ZNRF3: variants seen among roughly 807,000 people sequenced by gnomAD.
The protein encoded by ZNRF3 is zinc and ring finger 3.
In ZNRF3, 23 loss-of-function variants were observed where a neutral mutation model predicts 72.5. That is an observed-to-expected ratio of 0.32 (90% CI 0.23 to 0.45). ZNRF3 has a LOEUF of 0.45. Among genes scored for constraint, ZNRF3 ranks in the 20% least tolerant of loss-of-function variants. ZNRF3 has a pLI of 1.00. For synonymous variants in ZNRF3, 610 were observed against 545.3 expected (o/e 1.12, Z -1.65); for missense variants, 1,169 against 1,272.1 (o/e 0.92, Z 1.23).
At position 29,054,295 on chromosome 22, in the gene ZNRF3, G is replaced by C. The variant is rs183941891; in HGVS notation, c.*673G>C. On this transcript the variant is annotated 3_prime_UTR_variant, in exon 9 of 9. Transcript: ENST00000544604. The stretch of plus-strand genomic sequence containing the variant: ...CAGGTGATGGCAGCAGCTAGGAATA[G>C]GGTGTACATGATCCACAGCCCTGCG... The C allele has an allele frequency of 1.3e-5, 2 of 152,456 alleles. No individual in the cohort carries two copies. The highest frequency in any genetic ancestry group is 3.9e-4 in the East Asian group (2 of 5,188). 9.4% of individuals were successfully genotyped at this position (152,456 alleles called of 1,614,324 possible).
rs533560934 is a variant in ZNRF3, at chr22:29,042,419, G to A, written c.427-76G>A. On this transcript the variant is annotated intron_variant, in intron 2 of 8. Coordinates refer to ENST00000544604, the MANE Select transcript of ZNRF3 (RefSeq NM_001206998.2). ...CTGTCAGATTCTGCATTTGATTACA[G>A]GCCTGATTGCCAAGGCCAACTTTGA... 4 of 1,238,364 alleles carry A rather than the reference G, an allele frequency of 3.2e-6. No individual in the cohort carries two copies. The South Asian group carries it at 5.1e-5, about 16-fold the overall frequency. 76.7% of individuals were successfully genotyped at this position (1,238,364 alleles called of 1,614,324 possible). A position where few individuals can be genotyped will look rare whatever the true frequency, so the allele number is the denominator to read the frequency against.
intron 2 of ZNRF3, among the ~76,000 whole-genome samples, chr22:29,037,398 G>C (rs992192171): frequency 2.6e-5 from 4 of 152,200 alleles, no homozygotes; most frequent in Non-Finnish European, 5.9e-5. Flanking sequence ...GAACATTCTA[G>C]ACTCAATCTT....
intron 1 of ZNRF3, among the ~76,000 whole-genome samples, chr22:28,978,989 C>A (rs2035722213): frequency 6.6e-6 from 1 of 152,166 alleles, no homozygotes; most frequent in Non-Finnish European, 1.5e-5. Flanking sequence ...TTGCTCCCCT[C>A]ACCCTGGCCC....
At chr22:28,980,357 A>C (rs921923965) in intron 1 of ZNRF3, among the ~76,000 whole-genome samples, 6 of 152,230 alleles carry the variant, frequency 3.9e-5, no homozygotes, top group Non-Finnish European at 7.3e-5. Flanking sequence ...TCACACTTCA[A>C]TATATACAAA....
intron 1 of ZNRF3, among the ~76,000 whole-genome samples, chr22:28,895,415 C>A (rs2033973022): frequency 1.3e-5 from 2 of 152,208 alleles, no homozygotes; most frequent in South Asian, 4.1e-4. Flanking sequence ...CACGGTGGCT[C>A]ACGCCTGTAA....
intron 2 of ZNRF3, among the ~76,000 whole-genome samples, chr22:29,039,086 G>A (rs1159675351): frequency 6.6e-6 from 1 of 152,070 alleles, no homozygotes; most frequent in East Asian, 1.9e-4. Context: ...TTACTGACCT[G>A]CCCTCTTCAC....
At chr22:28,946,962 A>G (rs1037680602) in intron 1 of ZNRF3, among the ~76,000 whole-genome samples, 28 of 152,294 alleles carry the variant, frequency 1.8e-4, no homozygotes, top group African/African-American at 6.7e-4. Flanking sequence ...GGGAGAAGAG[A>G]AATATAGCAG....
At chr22:28,961,172 T>C (rs1015266228) in intron 1 of ZNRF3, among the ~76,000 whole-genome samples, 2 of 152,166 alleles carry the variant, frequency 1.3e-5, no homozygotes, top group Non-Finnish European at 2.9e-5. Context: ...CAACTCTTCT[T>C]CAAGACCTTT....
chr22:28,929,560 A>T (rs2034669352), intron 1 of ZNRF3, among the ~76,000 whole-genome samples: 1 of 152,236 alleles, frequency 6.6e-6, no homozygotes, highest in South Asian at 2.1e-4. Flanking sequence ...GACTAACTTA[A>T]ATTGAGATTG....
chr22:28,890,720 T>G (rs1252829406), intron 1 of ZNRF3, among the ~76,000 whole-genome samples: 1 of 152,024 alleles, frequency 6.6e-6, no homozygotes, highest in East Asian at 1.9e-4. Context: ...CCTAAATATA[T>G]GCCATGTGAA....
intron 1 of ZNRF3, among the ~76,000 whole-genome samples, chr22:28,901,471 A>G (rs115274192): frequency 0.029 from 4,449 of 152,186 alleles, 203 homozygotes; most frequent in African/African-American, 0.096. Context: ...TGTTAGAATT[A>G]TGTGTAAAGT....
At chr22:28,957,863 G>C (rs1489832947) in intron 1 of ZNRF3, among the ~76,000 whole-genome samples, 1 of 152,106 alleles carries the variant, frequency 6.6e-6, no homozygotes, top group African/African-American at 2.4e-5. Context: ...AACTTTGTGG[G>C]AGTGAAGAGC....
At chr22:28,982,440 A>C (rs1601627067) in intron 1 of ZNRF3, among the ~76,000 whole-genome samples, 2 of 85,492 alleles carry the variant, frequency 2.3e-5, no homozygotes, top group Admixed American at 1.3e-4. Flanking sequence ...CTACAAAAAA[A>C]AAAAAAAAAA....
At chr22:28,980,605 G>A (rs969563166) in intron 1 of ZNRF3, among the ~76,000 whole-genome samples, 4 of 152,220 alleles carry the variant, frequency 2.6e-5, no homozygotes, top group African/African-American at 9.6e-5. Context: ...ACTTAAGCAA[G>A]ATGTCAAGTA....
intron 1 of ZNRF3, among the ~76,000 whole-genome samples, chr22:28,984,134 A>ATTTT (rs2035813787): frequency 1.3e-5 from 2 of 151,372 alleles, no homozygotes; most frequent in African/African-American, 4.9e-5. Flanking sequence ...TTTTTTTTAA[A>ATTTT]AAAAACCTTT....
At chr22:28,906,267 C>T (rs559862707) in intron 1 of ZNRF3, among the ~76,000 whole-genome samples, 2 of 152,354 alleles carry the variant, frequency 1.3e-5, no homozygotes, top group East Asian at 1.9e-4. Flanking sequence ...GCAGAGGCTG[C>T]AGTGAGCTGA....
intron 1 of ZNRF3, among the ~76,000 whole-genome samples, chr22:28,959,939 C>G (rs2035327027): frequency 6.6e-6 from 1 of 152,174 alleles, no homozygotes; most frequent in Non-Finnish European, 1.5e-5. Context: ...CTTGGACTTC[C>G]CAGCTCCAGA....
intron 2 of ZNRF3, among the ~76,000 whole-genome samples, chr22:29,041,585 C>T (rs2036963454): frequency 2.6e-5 from 4 of 152,120 alleles, no homozygotes; most frequent in Admixed American, 2.6e-4. Flanking sequence ...CTGAATCCCC[C>T]AGAAAGCATA....
intron 2 of ZNRF3, among the ~76,000 whole-genome samples, chr22:28,988,774 G>A (rs1300368473): frequency 7.9e-5 from 12 of 152,182 alleles, no homozygotes; most frequent in Admixed American, 5.9e-4. Context: ...ATTTTCTCTT[G>A]TACTTTATGC....
Sources: allele counts gnomAD v4.1 joint callset (sites outside exome capture counted in the v4.1 genomes callset), GRCh38; gene constraint gnomAD v4.1.1; transcripts MANE v1.5; gene names NCBI Gene and HGNC (gene_info 2026-07-23, HGNC 2026-07-21).